The following WNK1 variants were observed in gnomAD, a reference collection of about 807,000 sequenced individuals.
The protein encoded by WNK1 is WNK lysine deficient protein kinase 1, also known as serine/threonine-protein kinase WNK1.
Under a neutral mutation model 222.8 loss-of-function variants are expected in WNK1, and 38 were observed. That is an observed-to-expected ratio of 0.17 (90% CI 0.13 to 0.22). The LOEUF (loss-of-function observed/expected upper bound fraction) is 0.22, where lower values mean the gene tolerates loss of function less well. Ranked by LOEUF, WNK1 falls within the 10% of genes least tolerant of loss-of-function variation. WNK1 has a pLI of 1.00. For missense variants in WNK1, 2,348 were observed against 2,918.4 expected (o/e 0.80, Z 4.50); for synonymous variants, 1,090 against 1,092.9 (o/e 1.00, Z 0.05).
chr12:757,335 A>T (rs10774456), intron 1 of WNK1, among the ~76,000 whole-genome samples: 15,820 of 78,254 alleles, frequency 0.2, 1,401 homozygotes, highest in East Asian at 0.41. Flanking sequence ...TTTTTTTTTA[A>T]AAAAAAAAAG....
At chr12:869,015 C>G (rs541244944) in intron 8 of WNK1, 1 of 1,611,216 alleles carries the variant, frequency 6.2e-7, no homozygotes, top group Admixed American at 1.7e-5. Context: ...ACAAGAATCC[C>G]CACTTTTCTT....
At chr12:869,269 A>T (rs1457255229) in intron 8 of WNK1, 1 of 916,532 alleles carries the variant, frequency 1.1e-6, no homozygotes. Flanking sequence ...ACATATATGC[A>T]TTTAAAAACA....
chr12:755,371 C>T (rs1387517506), intron 1 of WNK1, among the ~76,000 whole-genome samples: 1 of 152,128 alleles, frequency 6.6e-6, no homozygotes, highest in African/African-American at 2.4e-5. Context: ...ACTGAATGAT[C>T]TTGGAACTTA....
At chr12:764,634 CAAAAAA>C (rs529312629) in intron 1 of WNK1, among the ~76,000 whole-genome samples, 2 of 50,156 alleles carry the variant, frequency 4.0e-5, no homozygotes, top group Admixed American at 2.5e-4. Flanking sequence ...AACTCCGTCT[CAAAAAA>C]AAAAAAAAAA....
At chr12:860,927 CTTTT>C in intron 6 of WNK1, 82 bp from the exon 7 acceptor site, 8 of 968,916 alleles carry the variant, frequency 8.3e-6, no homozygotes, top group Non-Finnish European at 1.2e-5. Context: ...TTTACAATGC[CTTTT>C]TTTTTTTTGG....
chr12:871,124 C>G (rs72649869), intron 8 of WNK1, 141 bp from the exon 9 acceptor site: 1 of 773,626 alleles, frequency 1.3e-6, no homozygotes, highest in African/African-American at 1.7e-5. Context: ...GACCCAGAGG[C>G]CTCTCCCATA....
chr12:861,351 TC>T lies in WNK1; in HGVS notation c.1951+9del, dbSNP rs1418248022. 3 of 1,613,654 alleles carry T rather than the reference TC, an allele frequency of 1.9e-6. No homozygotes were observed. The African/African-American group carries it at 4.0e-5, about 22-fold the overall frequency. On this transcript the variant is annotated intron_variant, in intron 7 of 27. Coordinates refer to ENST00000315939, the MANE Select transcript of WNK1 (RefSeq NM_018979.4). Reference sequence around the variant, plus strand: ...CCAGTATATCTGTGTTATGTACGTATCTTGGGAAGTGGACAGATAGGCTAAT... The same window carrying T: ...CCAGTATATCTGTGTTATGTACGTATTTGGGAAGTGGACAGATAGGCTAAT...
chr12:871,347 A>T lies in WNK1; in HGVS notation c.2222A>T (p.Gln741Leu). 1 of 1,614,052 alleles carries T rather than the reference A, an allele frequency of 6.2e-7. No homozygotes were observed. The highest frequency in any genetic ancestry group is 8.5e-7 in the Non-Finnish European group (1 of 1,179,896). The change falls in exon 9 of 28, where the codon CAG becomes CTG. Residue 741 changes from glutamine to leucine, a missense_variant and splice_region_variant. By Grantham distance (113) the Gln-to-Leu change is moderately radical. Coordinates refer to ENST00000315939, the MANE Select transcript of WNK1 (RefSeq NM_018979.4). ...TCCCAACCCATACAACATCCTCAGCAGGTGAGAACAATGCATTGCAACATT... is the reference window on the plus strand; with the variant it reads ...TCCCAACCCATACAACATCCTCAGCTGGTGAGAACAATGCATTGCAACATT... Reference protein sequence around the residue: ...SSSQPIQHPQQQQGIQQTAPP... With the variant: ...SSSQPIQHPQLQQGIQQTAPP...
rs142402853 is a variant in WNK1 at position 797,084 on chromosome 12, A to C, written c.760-16558A>C. On this transcript the variant is annotated intron_variant, in intron 1 of 27. Transcript: ENST00000315939. ...AGTTACTATACATATGCTGATTTTC[A>C]TTTCCACACCCACGTTCTTCTTTTT... Among the ~76,000 whole-genome samples the C allele has an allele frequency of 5.2e-3, 794 of 152,316 alleles. 10 individuals carry two copies. Among genetic ancestry groups the C allele is most frequent in the African/African-American group, 0.018 (766 of 41,564 alleles).
At chr12:831,279 T>A (rs1336628357) in intron 4 of WNK1, among the ~76,000 whole-genome samples, 1 of 152,180 alleles carries the variant, frequency 6.6e-6, no homozygotes, top group Non-Finnish European at 1.5e-5. Flanking sequence ...GGCTTATGCC[T>A]GTAATCTCAG....
chr12:871,124 C>T, intron 8 of WNK1, 141 bp from the exon 9 acceptor site: 1 of 773,746 alleles, frequency 1.3e-6, no homozygotes. Flanking sequence ...GACCCAGAGG[C>T]CTCTCCCATA....
chr12:801,708 A>G (rs922492185), intron 1 of WNK1, among the ~76,000 whole-genome samples: 7 of 152,030 alleles, frequency 4.6e-5, no homozygotes, highest in African/African-American at 1.7e-4. Context: ...GTGCCCAGCA[A>G]ACCATTCCTA....
rs901527892 is a variant in WNK1 at position 895,824 on chromosome 12, C to T, written c.5584-247C>T. On this transcript the variant is annotated intron_variant, in intron 23 of 27. Coordinates refer to ENST00000315939, the MANE Select transcript of WNK1 (RefSeq NM_018979.4). Reference sequence around the variant, plus strand: ...TGAATTCTGTGTATGACATCAAATACGAAAGTAAATTATTTACTTTATAAG... The same window carrying T: ...TGAATTCTGTGTATGACATCAAATATGAAAGTAAATTATTTACTTTATAAG... Among the ~76,000 whole-genome samples the T allele has an allele frequency of 7.2e-5, 11 of 152,238 alleles. No homozygotes were observed. The South Asian group carries it at 2.1e-3, about 29-fold the overall frequency.
chr12:873,773 G>A (rs1434513316), intron 9 of WNK1, among the ~76,000 whole-genome samples: 1 of 152,040 alleles, frequency 6.6e-6, no homozygotes, highest in Non-Finnish European at 1.5e-5. Flanking sequence ...CATGATTTTT[G>A]TTTTACGTAC....
chr12:811,852 T>C (rs544631913), intron 1 of WNK1, among the ~76,000 whole-genome samples: 4 of 152,214 alleles, frequency 2.6e-5, no homozygotes, highest in Non-Finnish European at 5.9e-5. Context: ...ACTTCAAACA[T>C]TAAGCAGGGG....
At chr12:777,198 C>G (rs1252233733) in intron 1 of WNK1, among the ~76,000 whole-genome samples, 2 of 144,428 alleles carry the variant, frequency 1.4e-5, no homozygotes, top group Non-Finnish European at 3.0e-5. Context: ...GAGTCTCGCT[C>G]TGTCACCAGG....
rs902312718 is a variant in WNK1, at chr12:775,675, C to CA, written c.759+21359dup. On this transcript the variant is annotated intron_variant, in intron 1 of 27. Coordinates refer to ENST00000315939, the MANE Select transcript of WNK1 (RefSeq NM_018979.4). ...TGGGCAATAGAGCAACACCTTGTCT[C>CA]AAAAAAAAGTTTGAGCTATGTATGT... Among the ~76,000 whole-genome samples the CA allele has an allele frequency of 4.0e-4, 61 of 151,874 alleles. 1 individual carries two copies. The highest frequency in any genetic ancestry group is 7.8e-4 in the Non-Finnish European group (53 of 67,942).
At chr12:862,339 C>T in intron 8 of WNK1, 69 bp downstream of exon 8, 1 of 1,538,214 alleles carries the variant, frequency 6.5e-7, no homozygotes, top group Non-Finnish European at 9.0e-7. Context: ...AATTAAAATT[C>T]TTTGTACAAA....
chr12:879,996 G>A lies in WNK1; in HGVS notation c.2797G>A (p.Glu933Lys). The A allele has an allele frequency of 6.2e-7, 1 of 1,614,194 alleles. No individual in the cohort carries two copies. Among genetic ancestry groups the A allele is most frequent in the Non-Finnish European group, 8.5e-7 (1 of 1,180,044 alleles). ...ACCAGCTAACCTTGGACAAGCTGCT[G>A]AGGTTCCACTTTCCTCTGGAGATGT... ...GIPANLGQAA[E>K]VPLSSGDVLY... The change falls in exon 11 of 28, where the codon GAG becomes AAG. Residue 933 changes from glutamate (E) to lysine (K), a missense_variant. Coordinates refer to ENST00000315939, the MANE Select transcript of WNK1 (RefSeq NM_018979.4).
Sources: gnomAD v4.1 joint callset for allele counts (sites outside exome capture counted in the v4.1 genomes callset) on GRCh38, gnomAD v4.1.1 for gene constraint, MANE v1.5 for transcripts, NCBI Gene and HGNC (gene_info 2026-07-23, HGNC 2026-07-21) for gene names.